ZNF544: variants seen among roughly 807,000 people sequenced by gnomAD.
ZNF544 encodes the protein zinc finger protein AF020591.
Under a neutral mutation model 13.5 loss-of-function variants are expected in ZNF544, and 10 were observed. That is an observed-to-expected ratio of 0.74 (90% CI 0.46 to 1.25). The LOEUF is 1.25. Among genes scored for constraint, ZNF544 ranks in the 50% most tolerant of loss-of-function variants. The pLI, the probability that ZNF544 is intolerant of heterozygous loss-of-function variation, is 0.00. For synonymous variants in ZNF544, 323 were observed against 300.5 expected, an observed-to-expected ratio of 1.07 and a Z score of -0.77; for missense variants, 896 against 845.6, an observed-to-expected ratio of 1.06 and a Z score of -0.74.
rs2049124445 is a variant in ZNF544 at position 58,262,243 on chromosome 19, A to G, written c.1637A>G (p.Lys546Arg). The change falls in exon 7 of 7, where the codon AAA (lysine) becomes AGA (arginine). Residue 546 changes from lysine to arginine, a missense_variant. Lys to Arg is a conservative substitution (Grantham distance 26). Coordinates refer to ENST00000687789, the MANE Select transcript of ZNF544 (RefSeq NM_014480.4). ...ITHQRIHTGEKPYQCIECGKS... is the reference protein window; with the variant it reads ...ITHQRIHTGERPYQCIECGKS... ...CATCAGCGAATTCACACTGGAGAAAAACCGTATCAGTGTATTGAATGTGGG... is the reference window on the plus strand; with the variant it reads ...CATCAGCGAATTCACACTGGAGAAAGACCGTATCAGTGTATTGAATGTGGG... 6.2e-7 allele frequency: 1 copy of G among 1,614,072 alleles called. No homozygotes were observed. Among genetic ancestry groups the G allele is most frequent in the South Asian group, 1.1e-5 (1 of 91,080 alleles).
At chr19:58,231,050 A>G (rs1396084553) in intron 3 of ZNF544, among the ~76,000 whole-genome samples, 1 of 152,156 alleles carries the variant, frequency 6.6e-6, no homozygotes, top group East Asian at 1.9e-4. Context: ...GGTGTTCCTG[A>G]ACTCCTATAC....
intron 3 of ZNF544, among the ~76,000 whole-genome samples, chr19:58,234,898 A>G (rs999331873): frequency 1.3e-5 from 2 of 152,236 alleles, no homozygotes; most frequent in African/African-American, 2.4e-5. Context: ...GCTAAGTTTC[A>G]AAAGAGTGTT....
chr19:58,242,003 G>A (rs1332113504), intron 3 of ZNF544, among the ~76,000 whole-genome samples: 3 of 151,984 alleles, frequency 2.0e-5, no homozygotes, highest in Non-Finnish European at 4.4e-5. Flanking sequence ...TTATGTGTCT[G>A]TTCAGAAGAG....
At chr19:58,232,665 C>T (rs1258414314) in intron 3 of ZNF544, among the ~76,000 whole-genome samples, 1 of 150,966 alleles carries the variant, frequency 6.6e-6, no homozygotes. Context: ...CGCGGTGGCT[C>T]ACGCCTGTAA....
At chr19:58,268,273 C>A (rs2050187972), downstream of ZNF544, among the ~76,000 whole-genome samples, 1 of 151,950 alleles carries the variant, frequency 6.6e-6, no homozygotes, top group Non-Finnish European at 1.5e-5. Flanking sequence ...TACACTCCAG[C>A]CTGGGCAACA....
chr19:58,239,062 G>C (rs1253008326), intron 3 of ZNF544, among the ~76,000 whole-genome samples: 1 of 152,102 alleles, frequency 6.6e-6, no homozygotes, highest in Non-Finnish European at 1.5e-5. Flanking sequence ...AGGAAGAGAA[G>C]GTGGTGAAAA....
chr19:58,256,294 G>C (rs2047346583), intron 6 of ZNF544, among the ~76,000 whole-genome samples: 1 of 151,090 alleles, frequency 6.6e-6, no homozygotes, highest in Non-Finnish European at 1.5e-5. Context: ...TTTTTTTTGA[G>C]ATGGAGTCTT....
chr19:58,248,094 A>G (rs1006827068), intron 6 of ZNF544, among the ~76,000 whole-genome samples: 1 of 151,614 alleles, frequency 6.6e-6, no homozygotes, highest in African/African-American at 2.4e-5. Context: ...TTGTATTTTT[A>G]GTAGAGTCAG....
intron 3 of ZNF544, among the ~76,000 whole-genome samples, chr19:58,232,765 TAAAAA>T (rs529610316): frequency 0.12 from 12,907 of 108,052 alleles, 1,587 homozygotes; most frequent in African/African-American, 0.35. Context: ...CCGTCTCTAC[TAAAAA>T]AAAAAAAAAA....
At chr19:58,271,293 A>G (rs2050610147) in intron 5 of ZNF544, among the ~76,000 whole-genome samples, 1 of 151,408 alleles carries the variant, frequency 6.6e-6, no homozygotes. Context: ...TGGAACAGAT[A>G]TGGTTAAAAG....
chr19:58,269,292 A>G (rs539569613), intron 5 of ZNF544, among the ~76,000 whole-genome samples: 117 of 152,122 alleles, frequency 7.7e-4, no homozygotes, highest in Non-Finnish European at 1.4e-3. Flanking sequence ...AAAATTAGCC[A>G]GGCATGGTGG....
In ZNF544 at chr19:58,243,968, G is replaced by A; in HGVS notation, c.-56G>A. On this transcript the variant is annotated 5_prime_UTR_variant, in exon 4 of 7. Transcript: ENST00000687789. ...CTCTGCTTGTTTTCCACCCCAGACT[G>A]GTCTTCTGAGGACCTCTGCCCTCTA... is the stretch of plus-strand genomic sequence containing the variant. 1 of 1,572,530 alleles carries A rather than the reference G, an allele frequency of 6.4e-7. No homozygotes were observed. Among genetic ancestry groups the A allele is most frequent in the Non-Finnish European group, 8.6e-7 (1 of 1,158,168 alleles).
intron 3 of ZNF544, 98 bp from the exon 4 acceptor site, chr19:58,243,867 C>A: frequency 2.1e-6 from 2 of 974,456 alleles, no homozygotes; most frequent in Non-Finnish European, 2.9e-6. Flanking sequence ...ACCTGGGAAG[C>A]CCTGCTTGTG....
intron 3 of ZNF544, among the ~76,000 whole-genome samples, chr19:58,239,824 A>C: frequency 6.6e-6 from 1 of 151,654 alleles, no homozygotes; most frequent in South Asian, 2.1e-4. Flanking sequence ...GCTTGAACCC[A>C]GGAGACTGAG....
In ZNF544 at chr19:58,244,056, G is replaced by C. The variant is rs751997055; in HGVS notation, c.33G>C (p.Gln11His). MEARSMLVPP[Q>H]ASVCFEDVAM... ...CACGTTCTATGCTGGTTCCACCCCA[G>C]GTGAGTGGGGGGTCTTTGCTCTCAG... The change falls in exon 4 of 7, where the codon CAG (glutamine) becomes CAC (histidine). Residue 11 changes from glutamine (Q) to histidine (H), a missense_variant and splice_region_variant. By Grantham distance (24) the Gln-to-His change is conservative. Coordinates refer to ENST00000687789, the MANE Select transcript of ZNF544 (RefSeq NM_014480.4). 1.3e-5 allele frequency: 21 copies of C among 1,606,902 alleles called. No individual in the cohort carries two copies. The highest frequency in any genetic ancestry group is 2.7e-5 in the African/African-American group (2 of 74,740).
intron 5 of ZNF544, 136 bp from the exon 6 acceptor site, chr19:58,246,575 C>T (rs1388540006): frequency 2.0e-6 from 3 of 1,463,644 alleles, no homozygotes; most frequent in Non-Finnish European, 2.8e-6. Flanking sequence ...CATTCTATCT[C>T]TGGGACAGGT....
At chr19:58,244,730 C>G (rs2044705487) in intron 4 of ZNF544, among the ~76,000 whole-genome samples, 1 of 152,004 alleles carries the variant, frequency 6.6e-6, no homozygotes, top group African/African-American at 2.4e-5. Context: ...CATGCACCAG[C>G]ATGCTTGACT....
chr19:58,246,544 C>G, intron 5 of ZNF544, 117 bp downstream of exon 5: 1 of 1,512,930 alleles, frequency 6.6e-7, no homozygotes, highest in Non-Finnish European at 9.0e-7. Context: ...CTTTCAGGTG[C>G]AGTTCCCAGG....
In ZNF544 at chr19:58,261,144, A is replaced by G. The variant is rs143696836; in HGVS notation, c.538A>G (p.Thr180Ala). 2.0e-3 allele frequency: 3,285 copies of G among 1,614,138 alleles called. 8 individuals carry two copies. Among genetic ancestry groups the G allele is most frequent in the Non-Finnish European group, 2.3e-3 (2,694 of 1,180,018 alleles). The change falls in exon 7 of 7, where the codon ACA (threonine) becomes GCA (alanine). Residue 180 changes from threonine (T) to alanine (A), a missense_variant. By Grantham distance (58) the Thr-to-Ala change is moderately conservative. Transcript: ENST00000687789. Reference protein sequence around the residue: ...TLSLLPTTLPTSTGFPKPNSQ... With the variant: ...TLSLLPTTLPASTGFPKPNSQ... The stretch of plus-strand genomic sequence containing the variant: ...AAGCCTTCTACCTACAACATTACCT[A>G]CAAGTACAGGTTTCCCTAAGCCCAA...
Sources: gnomAD v4.1 joint callset for allele counts (sites outside exome capture counted in the v4.1 genomes callset) on GRCh38, gnomAD v4.1.1 for gene constraint, MANE v1.5 for transcripts, NCBI Gene and HGNC (gene_info 2026-07-23, HGNC 2026-07-21) for gene names.